The following CACNA1F variants were observed in gnomAD, a reference collection of about 807,000 sequenced individuals.
CACNA1F encodes calcium voltage-gated channel subunit alpha1 F.
CACNA1F carries 59 observed loss-of-function variants against 143.8 expected under a neutral mutation model. That is an observed-to-expected ratio of 0.41 (90% CI 0.33 to 0.51). CACNA1F has a LOEUF of 0.51. Ranked by LOEUF, CACNA1F falls within the 20% of genes least tolerant of loss-of-function variation. The pLI is 0.22. For missense variants in CACNA1F, 1,411 were observed against 1,647.5 expected, an observed-to-expected ratio of 0.86 and a Z score of 2.48; for synonymous variants, 643 against 649.1, an observed-to-expected ratio of 0.99 and a Z score of 0.14.
In CACNA1F at chrX:49,205,324, C is replaced by T. The variant is rs371119362; in HGVS notation, c.5714G>A (p.Arg1905His). Residue 1905 changes from arginine to histidine, a missense_variant, in exon 48 of 48, where the codon CGT becomes CAT. Arg to His is a conservative substitution (Grantham distance 29). Coordinates refer to ENST00000323022, the MANE Select transcript of CACNA1F (RefSeq NM_001256789.3). ...CTCCTGCTTGGCCAGGGCCACGAAACGTGGGTCTCGAGCAAAGAGGCCCAG... is the reference window on the plus strand; with the variant it reads ...CTCCTGCTTGGCCAGGGCCACGAAATGTGGGTCTCGAGCAAAGAGGCCCAG... ...EGLGLFARDP[R>H]FVALAKQEIA... The T allele has an allele frequency of 7.5e-6, 9 of 1,206,301 alleles. No homozygotes were observed. In the African/African-American group the frequency reaches 1.4e-4, roughly 19 times the overall value.
rs868951993 is a variant in CACNA1F at position 49,230,551 on chromosome X, C to T, written c.580G>A (p.Gly194Arg). The part of the protein sequence containing the change: ...PGRPGDAPHT[G>R]GKPGGFDVKA... ...ACATCGAAGCCTCCTGGCTTTCCCC[C>T]GGTGTGCGGGGCGTCGCCTGGCCGT... Residue 194 changes from glycine (G) to arginine (R), a missense_variant, in exon 5 of 48, where the codon GGG (glycine) becomes AGG (arginine). By Grantham distance (125) the Gly-to-Arg change is moderately radical. Around this residue, in one of 3 missense-constraint regions of CACNA1F, gnomAD observed 950 missense variants for 1,128.1 expected, o/e 0.84. Coordinates refer to ENST00000323022, the MANE Select transcript of CACNA1F (RefSeq NM_001256789.3). 1 of 1,189,228 alleles carries T rather than the reference C, an allele frequency of 8.4e-7. No homozygotes were observed. The highest frequency in any genetic ancestry group is 1.1e-6 in the Non-Finnish European group (1 of 883,747).
chrX:49,216,498 G>T lies in CACNA1F; in HGVS notation c.3120C>A (p.Asp1040Glu). The change falls in exon 27 of 48, where the codon GAC (aspartate) becomes GAA (glutamate). Residue 1040 changes from aspartate to glutamate, a missense_variant. Asp to Glu is a conservative substitution (Grantham distance 45). This residue lies in a region of CACNA1F where 950 missense variants were observed against 1,128.1 expected (regional missense o/e 0.84). Coordinates refer to ENST00000323022, the MANE Select transcript of CACNA1F (RefSeq NM_001256789.3). ...KGSFLVYPDG[D>E]VSRPLVRERL... is the part of the protein sequence containing the mutation. ...GCTCCCGGACCAGGGGCCGTGACAC[G>T]TCTCCATCTGGGTATACCAGGAAGG... 1 of 1,204,450 alleles carries T rather than the reference G, an allele frequency of 8.3e-7. No individual in the cohort carries two copies. Among genetic ancestry groups the T allele is most frequent in the Non-Finnish European group, 1.1e-6 (1 of 891,372 alleles).
At position 49,206,709 on chromosome X, in the gene CACNA1F, G is replaced by C; in HGVS notation, c.5359+19C>G. The C allele has an allele frequency of 8.3e-7, 1 of 1,205,135 alleles. No individual in the cohort carries two copies. Among genetic ancestry groups the C allele is most frequent in the Non-Finnish European group, 1.1e-6 (1 of 891,240 alleles). ...CCTGCAGGCCCGTGGGGGCCCCTTG[G>C]ATCCATCCCTGCTCTCACCTGCAGG... is the stretch of plus-strand genomic sequence containing the variant. On this transcript the variant is annotated intron_variant, in intron 45 of 47. Transcript: ENST00000323022.
rs782324939 is a variant in CACNA1F at position 49,230,688 on chromosome X, C to T, written c.522-79G>A. 2.2e-5 allele frequency: 24 copies of T among 1,099,171 alleles called. No individual in the cohort carries two copies. The East Asian group carries it at 7.6e-4, about 35-fold the overall frequency. 90.6% of individuals were successfully genotyped at this position (1,099,171 alleles called of 1,213,427 possible). On this transcript the variant is annotated intron_variant, in intron 4 of 47. Coordinates refer to ENST00000323022, the MANE Select transcript of CACNA1F (RefSeq NM_001256789.3). ...CTCCACCCTAACCTTCTCAGAAAAG[C>T]ACAAGTCCCTGTAACTAGAAATAGA...
At chrX:49,227,474 G>A (rs1353809505) in intron 8 of CACNA1F, among the ~76,000 whole-genome samples, 3 of 111,287 alleles carry the variant, frequency 2.7e-5, no homozygotes, top group Admixed American at 9.5e-5. Context: ...ACAGGTGTGC[G>A]CCACCATGCC....
Position 49,226,921 on chromosome X carries a change from G to A in CACNA1F, c.1276+49C>T, listed in dbSNP as rs782615121. Reference sequence around the variant, plus strand: ...TCTAAGGCATGCAGGGAATGGGCCAGATTGGAGTTGCCTACGATGGCCCGC... The same window carrying A: ...TCTAAGGCATGCAGGGAATGGGCCAAATTGGAGTTGCCTACGATGGCCCGC... On this transcript the variant is annotated intron_variant, in intron 9 of 47. Transcript: ENST00000323022. 122 of 1,207,052 alleles carry A rather than the reference G, an allele frequency of 1.0e-4. No individual in the cohort carries two copies. Among genetic ancestry groups the A allele is most frequent in the Non-Finnish European group, 1.4e-4 (121 of 892,523 alleles).
At position 49,216,529 on chromosome X, in the gene CACNA1F, C is replaced by A; in HGVS notation, c.3090-1G>T. The A allele has an allele frequency of 8.3e-7, 1 of 1,202,059 alleles. No homozygotes were observed. ...ATCTGGGTATACCAGGAAGGAGCCC[C>A]TGTGGATGTGCAAACAGGTTAGATG... is the stretch of plus-strand genomic sequence containing the variant. On this transcript the variant is annotated splice_acceptor_variant, in intron 26 of 47. Transcript: ENST00000323022. LOFTEE classifies it high-confidence loss of function.
rs376959397 is a variant in CACNA1F at position 49,211,403 on chromosome X, G to T, written c.4179C>A (p.Phe1393Leu). ...PGNRCDPESD[F>L]GPGEEFTCGS... ...CACAGGTAAACTCTTCACCAGGGCC[G>T]AAGTCAGACTCAGGATCACACCGAT... Residue 1393 changes from phenylalanine (F) to leucine (L), a missense_variant, in exon 36 of 48, where the codon TTC (phenylalanine) becomes TTA (leucine). Phe to Leu is a conservative substitution (Grantham distance 22, BLOSUM62 0). Around this residue, in one of 3 missense-constraint regions of CACNA1F, gnomAD observed 112 missense variants for 169.2 expected, o/e 0.66. Transcript: ENST00000323022. 2 of 1,209,696 alleles carry T rather than the reference G, an allele frequency of 1.7e-6. No homozygotes were observed.
chrX:49,212,236 C>T lies in CACNA1F; in HGVS notation c.4008+7G>A. On this transcript the variant is annotated splice_region_variant and intron_variant, in intron 34 of 47. Coordinates refer to ENST00000323022, the MANE Select transcript of CACNA1F (RefSeq NM_001256789.3). ...CTTAAGGGATGCTTCCTAGGGTCCC[C>T]ACTTGCCTGCATGCCAATGACGGCA... The T allele has an allele frequency of 8.3e-7, 1 of 1,199,593 alleles. No individual in the cohort carries two copies. Among genetic ancestry groups the T allele is most frequent in the Non-Finnish European group, 1.1e-6 (1 of 884,920 alleles).
At chrX:49,223,646 A>G (rs1319293341) in intron 14 of CACNA1F, among the ~76,000 whole-genome samples, 1 of 98,081 alleles carries the variant, frequency 1.0e-5, no homozygotes, top group Non-Finnish European at 2.1e-5. Flanking sequence ...AGGTAGGGGA[A>G]AGTTGAGAGT....
At chrX:49,227,908 A>G (rs1269328114) in intron 8 of CACNA1F, 128 bp downstream of exon 8, 6 of 534,649 alleles carry the variant, frequency 1.1e-5, no homozygotes, top group Non-Finnish European at 2.0e-5. Flanking sequence ...CCTCACATAC[A>G]ATAGATGCTC....
In CACNA1F at chrX:49,226,222, T is replaced by C. The variant is rs782320381; in HGVS notation, c.1485A>G (p.Arg495=). 2.5e-6 allele frequency: 3 copies of C among 1,208,172 alleles called. No homozygotes were observed. The highest frequency in any genetic ancestry group is 1.8e-5 in the South Asian group (1 of 56,873). ...GCACAACTTTCCCAACTCACCAGAC[T>C]CTGGTTTTCATGATCTTGTTTCTGA... is the stretch of plus-strand genomic sequence containing the variant. ...TRCLNKIMKT[R]VCRRLRRANR... The change falls in exon 12 of 48, where the codon AGA becomes AGG. Residue 495 remains arginine (R), a synonymous_variant. Transcript: ENST00000323022.
chrX:49,228,120 T>G lies in CACNA1F; in HGVS notation c.1034A>C (p.Tyr345Ser). 2 of 1,205,820 alleles carry G rather than the reference T, an allele frequency of 1.7e-6. No individual in the cohort carries two copies. The highest frequency in any genetic ancestry group is 4.4e-5 in the Admixed American group (2 of 45,787). Reference protein sequence around the residue: ...VLYWMQDAMGYELPWVYFVSL... With the variant: ...VLYWMQDAMGSELPWVYFVSL... Reference sequence around the variant, plus strand: ...CACAAAGTACACCCAGGGCAGTTCATACCCCATGGCATCTTGCATCTGGGG... The same window carrying G: ...CACAAAGTACACCCAGGGCAGTTCAGACCCCATGGCATCTTGCATCTGGGG... The change falls in exon 8 of 48, where the codon TAT (tyrosine) becomes TCT (serine). Residue 345 changes from tyrosine (Y) to serine (S), a missense_variant. Coordinates refer to ENST00000323022, the MANE Select transcript of CACNA1F (RefSeq NM_001256789.3).
chrX:49,231,331 C>T (rs1239988426), intron 2 of CACNA1F, 24 bp from the exon 3 acceptor site: 1 of 1,057,374 alleles, frequency 9.5e-7, no homozygotes, highest in Non-Finnish European at 1.3e-6. Context: ...AGTCAAGGAC[C>T]CTGGCAGAGT....
At chrX:49,209,475 G>A (rs1371279444) in intron 41 of CACNA1F, 82 bp from the exon 42 acceptor site, 1 of 1,127,188 alleles carries the variant, frequency 8.9e-7, no homozygotes, top group Non-Finnish European at 1.2e-6. Context: ...GGTAGGGTGG[G>A]GGAAGGAGTC....
At chrX:49,227,401 C>T (rs782219406) in intron 8 of CACNA1F, among the ~76,000 whole-genome samples, 4 of 111,669 alleles carry the variant, frequency 3.6e-5, no homozygotes, top group Non-Finnish European at 7.5e-5. Context: ...CATAGCTCAC[C>T]GCAGCCTCGA....
chrX:49,220,276 A>G (rs2065762784), intron 19 of CACNA1F, among the ~76,000 whole-genome samples, 197 bp downstream of exon 19: 1 of 111,629 alleles, frequency 9.0e-6, no homozygotes, highest in African/African-American at 3.3e-5. Flanking sequence ...GGGTCTTGCT[A>G]TGTTGCCCAG....
chrX:49,217,806 C>A lies in CACNA1F; in HGVS notation c.3038G>T (p.Gly1013Val). ...FACIGVQLFK[G>V]KFYTCTDEAK... ...CTCGTCCGTGCAGGTGTAGAATTTC[C>A]CCTGTAGAGAGGATGTCTGTCAAGT... The change falls in exon 26 of 48, where the codon GGG becomes GTG. Residue 1013 changes from glycine to valine, a missense_variant and splice_region_variant. Physicochemically the swap from Gly to Val is moderately radical, Grantham distance 109. Transcript: ENST00000323022. 8.3e-7 allele frequency: 1 copy of A among 1,207,760 alleles called. No individual in the cohort carries two copies. Among genetic ancestry groups the A allele is most frequent in the Non-Finnish European group, 1.1e-6 (1 of 892,468 alleles).
Position 49,231,129 on chromosome X carries a change from G to T in CACNA1F, c.381+73C>A, listed in dbSNP as rs981802638. On this transcript the variant is annotated intron_variant, in intron 3 of 47. Transcript: ENST00000323022. ...CCATCCGGGTCAGAGAGGGGGCGGG[G>T]TCTGGCTGGAAGGAGTGAGCTCTAC... 6 of 840,697 alleles carry T rather than the reference G, an allele frequency of 7.1e-6. No individual in the cohort carries two copies. The African/African-American group carries it at 1.0e-4, about 14-fold the overall frequency. The allele number at this position is 840,697 out of a possible 1,213,427, so 69.3% of individuals were successfully genotyped here. A position where few individuals can be genotyped will look rare whatever the true frequency, so the allele number is the denominator to read the frequency against.
Sources: gnomAD v4.1 joint callset for allele counts (sites outside exome capture counted in the v4.1 genomes callset) on GRCh38, gnomAD v4.1.1 for gene constraint, gnomAD v4.1.1 regional missense constraint, MANE v1.5 for transcripts, NCBI Gene and HGNC (gene_info 2026-07-23, HGNC 2026-07-21) for gene names.